Variants in ADCY8 observed in about 807,000 individuals in gnomAD.
The protein encoded by ADCY8 is adenylate cyclase type 8.
In ADCY8, 51 loss-of-function variants were observed where a neutral mutation model predicts 119.7. The ratio of observed to expected loss-of-function variants is 0.43; its 90% confidence interval spans 0.34 to 0.54. ADCY8 has a LOEUF of 0.54. Ranked by LOEUF, ADCY8 falls within the 20% of genes least tolerant of loss-of-function variation. The probability of loss-of-function intolerance (pLI) is 0.03; values close to 1 mark genes in which losing one functional copy is unlikely to be tolerated. For missense variants in ADCY8, 1,383 were observed against 1,598.8 expected, an observed-to-expected ratio of 0.87 and a Z score of 2.30; for synonymous variants, 665 against 651.0, an observed-to-expected ratio of 1.02 and a Z score of -0.33.
intron 8 of ADCY8, among the ~76,000 whole-genome samples, chr8:130,874,166 G>T (rs1586514802): frequency 6.6e-6 from 1 of 151,958 alleles, no homozygotes; most frequent in East Asian, 1.9e-4. Flanking sequence ...AAATTAGCTG[G>T]GTGTGGTGGT....
chr8:130,997,774 A>G (rs1822825180), intron 1 of ADCY8, among the ~76,000 whole-genome samples: 1 of 152,166 alleles, frequency 6.6e-6, no homozygotes, highest in African/African-American at 2.4e-5. Context: ...GCAGATTGGT[A>G]GTTCCATGAA....
At chr8:131,007,887 AGAGGTACACT>A (rs61312100) in intron 1 of ADCY8, among the ~76,000 whole-genome samples, 10,934 of 152,176 alleles carry the variant, frequency 0.072, 1,138 homozygotes, top group African/African-American at 0.23. Context: ...GTGCTAGGAC[AGAGGTACACT>A]GAGACAATTG....
At chr8:130,856,919 C>T (rs941014576) in intron 9 of ADCY8, among the ~76,000 whole-genome samples, 1 of 151,704 alleles carries the variant, frequency 6.6e-6, no homozygotes, top group African/African-American at 2.4e-5. Flanking sequence ...GACTCCTAGC[C>T]CACATTTGGC....
At chr8:130,802,120 C>T (rs1815799763) in intron 14 of ADCY8, among the ~76,000 whole-genome samples, 1 of 152,126 alleles carries the variant, frequency 6.6e-6, no homozygotes, top group Non-Finnish European at 1.5e-5. Flanking sequence ...CACCCTCCTC[C>T]AATCACAAAT....
At chr8:130,917,700 T>A (rs1175947573) in intron 5 of ADCY8, among the ~76,000 whole-genome samples, 1 of 152,092 alleles carries the variant, frequency 6.6e-6, no homozygotes, top group African/African-American at 2.4e-5. Context: ...GAATTCTGGA[T>A]TTTTTAGGAC....
Position 130,780,737 on chromosome 8 carries a change from A to G in ADCY8, c.3409T>C (p.Tyr1137His), listed in dbSNP as rs765893822. 59 of 1,614,100 alleles carry G rather than the reference A, an allele frequency of 3.7e-5. 2 individuals are homozygous for G. The South Asian group carries it at 5.9e-4, about 16-fold the overall frequency. ...AAGCCCTGGTCCTTCAGGATGAGATAGGTCTCCTCTGGGACTTGGATCCGG... is the reference window on the plus strand; with the variant it reads ...AAGCCCTGGTCCTTCAGGATGAGATGGGTCTCCTCTGGGACTTGGATCCGG... ...SGRIQVPEET[Y>H]LILKDQGFAF... Residue 1137 changes from tyrosine (Y) to histidine (H), a missense_variant, in exon 18 of 18, where the codon TAT becomes CAT. Tyr to His is a moderately conservative substitution (Grantham distance 83). Transcript: ENST00000286355.
At chr8:130,800,138 C>T (rs1815725572) in intron 15 of ADCY8, among the ~76,000 whole-genome samples, 1 of 152,136 alleles carries the variant, frequency 6.6e-6, no homozygotes, top group Non-Finnish European at 1.5e-5. Context: ...CTCATAGAGG[C>T]CTCTAGTCAA....
intron 3 of ADCY8, among the ~76,000 whole-genome samples, chr8:130,944,050 G>C (rs1013286974): frequency 4.6e-5 from 7 of 152,160 alleles, no homozygotes; most frequent in Non-Finnish European, 8.8e-5. Flanking sequence ...GTGAGGTCTT[G>C]TTCTATGTAT....
chr8:131,016,708 G>T (rs1385925936), intron 1 of ADCY8, among the ~76,000 whole-genome samples: 2 of 152,212 alleles, frequency 1.3e-5, no homozygotes, highest in South Asian at 4.2e-4. Context: ...GAAAGAGAGA[G>T]AGAGTATGTG....
At chr8:130,821,089 G>C (rs1816494171) in intron 13 of ADCY8, among the ~76,000 whole-genome samples, 1 of 152,182 alleles carries the variant, frequency 6.6e-6, no homozygotes, top group Non-Finnish European at 1.5e-5. Flanking sequence ...GTCTTAGGCA[G>C]AAATTGAAAG....
chr8:130,869,525 T>G (rs5026642), intron 8 of ADCY8, among the ~76,000 whole-genome samples: 21,089 of 125,170 alleles, frequency 0.17, 1,451 homozygotes, highest in African/African-American at 0.33. Context: ...TTTGTTTTTT[T>G]GTTTTTTTTT....
intron 7 of ADCY8, chr8:130,892,143 C>T (rs974182127): frequency 3.3e-5 from 5 of 152,050 alleles, no homozygotes; most frequent in Non-Finnish European, 5.9e-5. Context: ...AACGATATAA[C>T]AGGGGTCAGA....
intron 1 of ADCY8, among the ~76,000 whole-genome samples, chr8:131,030,850 C>A (rs998312783): frequency 6.6e-6 from 1 of 152,188 alleles, no homozygotes; most frequent in Admixed American, 6.5e-5. Context: ...AATTATGTCG[C>A]CTGAAATACA....
chr8:130,881,381 G>A (rs896477908), intron 8 of ADCY8, among the ~76,000 whole-genome samples: 4 of 152,274 alleles, frequency 2.6e-5, no homozygotes, highest in Admixed American at 1.3e-4. Context: ...TTTCGATGGA[G>A]CTTTGTTCAT....
rs1454339631 is a variant in ADCY8, at chr8:130,780,829, G to A, written c.3317C>T (p.Pro1106Leu). ...AGTTTTGCCCCAAATGTCATACTGTGGTTTCTTAGCGCCGATAACGCCAGC... is the reference window on the plus strand; with the variant it reads ...AGTTTTGCCCCAAATGTCATACTGTAGTTTCTTAGCGCCGATAACGCCAGC... ...VVAGVIGAKK[P>L]QYDIWGKTVN... is the part of the protein sequence containing the mutation. The change falls in exon 18 of 18, where the codon CCA (proline) becomes CTA (leucine). Residue 1106 changes from proline to leucine, a missense_variant. Transcript: ENST00000286355. The A allele has an allele frequency of 3.1e-6, 5 of 1,614,138 alleles. No individual in the cohort carries two copies. Among genetic ancestry groups the A allele is most frequent in the Non-Finnish European group, 3.4e-6 (4 of 1,180,018 alleles).
At chr8:131,032,383 T>C (rs1281807680) in intron 1 of ADCY8, among the ~76,000 whole-genome samples, 1 of 152,158 alleles carries the variant, frequency 6.6e-6, no homozygotes, top group African/African-American at 2.4e-5. Context: ...ATTTCATATA[T>C]TAAAATATAT....
intron 2 of ADCY8, among the ~76,000 whole-genome samples, chr8:130,967,897 T>C (rs1821808366): frequency 6.6e-6 from 1 of 152,174 alleles, no homozygotes; most frequent in African/African-American, 2.4e-5. Context: ...AGACAGAAGC[T>C]CAGGTTCTGT....
At position 130,836,196 on chromosome 8, in the gene ADCY8, G is replaced by A. The variant is rs978091370; in HGVS notation, c.2675+81C>T. On this transcript the variant is annotated intron_variant, in intron 12 of 17. Coordinates refer to ENST00000286355, the MANE Select transcript of ADCY8 (RefSeq NM_001115.3). ...CAATCAGGCCTTAAGTTTTAGTAAT[G>A]CAGCGGGCATCATTTTCCCAACAAT... The A allele has an allele frequency of 6.5e-5, 92 of 1,422,176 alleles. 1 individual carries two copies. The highest frequency in any genetic ancestry group is 7.5e-5 in the Non-Finnish European group (78 of 1,043,304). 88.1% of individuals were successfully genotyped at this position (1,422,176 alleles called of 1,614,324 possible).
intron 12 of ADCY8, among the ~76,000 whole-genome samples, chr8:130,822,524 A>G (rs868375318): frequency 7.1e-6 from 1 of 140,372 alleles, no homozygotes. Context: ...CCATGAATCC[A>G]TGAATCCATG....
Sources: gnomAD v4.1 joint callset for allele counts (sites outside exome capture counted in the v4.1 genomes callset) on GRCh38, gnomAD v4.1.1 for gene constraint, MANE v1.5 for transcripts, NCBI Gene and HGNC (gene_info 2026-07-23, HGNC 2026-07-21) for gene names.